The following MGMT variants were observed in gnomAD, a reference collection of about 807,000 sequenced individuals.
MGMT encodes methylated-DNA--protein-cysteine methyltransferase.
Under a neutral mutation model 15.9 loss-of-function variants are expected in MGMT, and 14 were observed. The ratio of observed to expected loss-of-function variants is 0.88; its 90% CI spans 0.58 to 1.37. MGMT has a LOEUF of 1.37. Ranked by LOEUF, MGMT falls within the 40% of genes most tolerant of loss-of-function variation. The pLI is 0.00. For synonymous variants in MGMT, 130 were observed against 118.2 expected (o/e 1.10, Z -0.65); for missense variants, 282 against 268.1 (o/e 1.05, Z -0.36).
At chr10:129,631,634 G>A (rs1847210764) in intron 2 of MGMT, among the ~76,000 whole-genome samples, 1 of 152,072 alleles carries the variant, frequency 6.6e-6, no homozygotes, top group African/African-American at 2.4e-5. Context: ...ACCAGCCTGG[G>A]CAACAAGGCA....
chr10:129,545,230 A>G lies in MGMT; in HGVS notation c.125+8853A>G, dbSNP rs564980010. 5.9e-5 allele frequency among the ~76,000 whole-genome samples: 9 copies of G among 152,240 alleles called. No individual in the cohort carries two copies. The South Asian group carries it at 1.7e-3, about 28-fold the overall frequency. On this transcript the variant is annotated intron_variant, in intron 2 of 4. Coordinates refer to ENST00000651593, the MANE Select transcript of MGMT (RefSeq NM_002412.5). ...AGTAGAGACTGCCACTCTGGGAGTG[A>G]CTTCTGTTCTCCTGTGAAATCCTCT...
At chr10:129,543,765 G>A (rs1057111275) in intron 2 of MGMT, among the ~76,000 whole-genome samples, 27 of 152,110 alleles carry the variant, frequency 1.8e-4, no homozygotes, top group Admixed American at 1.2e-3. Context: ...GATGGCAAAC[G>A]TGTGTGCCTG....
intron 2 of MGMT, among the ~76,000 whole-genome samples, chr10:129,646,486 G>A (rs1038014665): frequency 3.3e-5 from 5 of 151,712 alleles, no homozygotes; most frequent in East Asian, 3.9e-4. Flanking sequence ...CTAAAGTCTC[G>A]ACATGATTAT....
At chr10:129,600,665 G>T (rs551756516) in intron 2 of MGMT, among the ~76,000 whole-genome samples, 1 of 152,124 alleles carries the variant, frequency 6.6e-6, no homozygotes, top group Non-Finnish European at 1.5e-5. Context: ...GTAAACATCC[G>T]TATTGCCTCT....
At chr10:129,764,787 T>C (rs1296637884) in intron 4 of MGMT, among the ~76,000 whole-genome samples, 2 of 152,120 alleles carry the variant, frequency 1.3e-5, no homozygotes, top group Non-Finnish European at 2.9e-5. Flanking sequence ...GAAACAGCTG[T>C]TTGTTCTCAT....
intron 1 of MGMT, among the ~76,000 whole-genome samples, chr10:129,531,471 C>T (rs564275352): frequency 7.2e-4 from 109 of 152,148 alleles, no homozygotes; most frequent in African/African-American, 2.6e-3. Flanking sequence ...GTCCGTGATG[C>T]CCTCATTTAG....
At chr10:129,682,696 A>G (rs1391754572) in intron 2 of MGMT, among the ~76,000 whole-genome samples, 1 of 152,230 alleles carries the variant, frequency 6.6e-6, no homozygotes, top group Non-Finnish European at 1.5e-5. Context: ...AGTTAGATGT[A>G]TTGTATCAAT....
At chr10:129,471,934 C>G (rs74162158) in intron 1 of MGMT, among the ~76,000 whole-genome samples, 12,344 of 152,256 alleles carry the variant, frequency 0.081, 672 homozygotes, top group East Asian at 0.29. Context: ...CTTCAAATTG[C>G]AAACCCAACA....
intron 2 of MGMT, among the ~76,000 whole-genome samples, chr10:129,609,588 A>G (rs1044694522): frequency 2.0e-5 from 3 of 152,218 alleles, no homozygotes; most frequent in African/African-American, 4.8e-5. Flanking sequence ...ACTTCTTTGC[A>G]AACTCTGGTG....
chr10:129,752,724 A>T (rs186703308), intron 3 of MGMT, among the ~76,000 whole-genome samples: 1 of 152,136 alleles, frequency 6.6e-6, no homozygotes, highest in Non-Finnish European at 1.5e-5. Context: ...TTATGACTAT[A>T]TAGATCCTTT....
chr10:129,675,142 A>G (rs1047666459), intron 2 of MGMT, among the ~76,000 whole-genome samples: 1 of 152,224 alleles, frequency 6.6e-6, no homozygotes, highest in Non-Finnish European at 1.5e-5. Flanking sequence ...GCAAAGCAGC[A>G]GGACAGAGGA....
intron 3 of MGMT, among the ~76,000 whole-genome samples, chr10:129,742,231 G>C (rs1418045538): frequency 6.6e-6 from 1 of 152,190 alleles, no homozygotes; most frequent in Non-Finnish European, 1.5e-5. Flanking sequence ...TGTGTGGGAG[G>C]AGCCAGAAAC....
chr10:129,562,402 G>A (rs934643582), intron 2 of MGMT, among the ~76,000 whole-genome samples: 1 of 152,220 alleles, frequency 6.6e-6, no homozygotes. Flanking sequence ...CCCTGGCCTC[G>A]TGGTACAAAA....
chr10:129,527,469 C>T (rs12269104), intron 1 of MGMT, among the ~76,000 whole-genome samples: 37,823 of 152,072 alleles, frequency 0.25, 5,657 homozygotes, highest in African/African-American at 0.42. Flanking sequence ...CGTGTGTTCC[C>T]TGAGGTTCCA....
intron 2 of MGMT, among the ~76,000 whole-genome samples, chr10:129,551,934 G>A (rs1424197630): frequency 6.6e-6 from 1 of 152,208 alleles, no homozygotes; most frequent in Non-Finnish European, 1.5e-5. Flanking sequence ...CAGGGTGTGG[G>A]CAGGCTCCTT....
At chr10:129,602,324 G>A (rs1017347936) in intron 2 of MGMT, among the ~76,000 whole-genome samples, 4 of 152,048 alleles carry the variant, frequency 2.6e-5, no homozygotes, top group African/African-American at 2.4e-5. Flanking sequence ...ATCTCCAAGC[G>A]AGGTTGGCAT....
intron 1 of MGMT, among the ~76,000 whole-genome samples, chr10:129,488,908 T>G (rs372979215): frequency 3.5e-4 from 53 of 152,312 alleles, no homozygotes; most frequent in African/African-American, 1.2e-3. Flanking sequence ...TGCAGAGCCC[T>G]AGAGAAATGA....
chr10:129,671,045 C>T (rs1215211396), intron 2 of MGMT, among the ~76,000 whole-genome samples: 2 of 152,170 alleles, frequency 1.3e-5, no homozygotes, highest in Admixed American at 6.5e-5. Flanking sequence ...AATACCTTTT[C>T]AGCAGCAGCA....
At chr10:129,645,353 C>A (rs1299804745) in intron 2 of MGMT, among the ~76,000 whole-genome samples, 1 of 152,060 alleles carries the variant, frequency 6.6e-6, no homozygotes, top group African/African-American at 2.4e-5. Context: ...AACTCCTGAC[C>A]TCAGGTGATC....
Sources: gnomAD v4.1 joint callset for allele counts (sites outside exome capture counted in the v4.1 genomes callset) on GRCh38, gnomAD v4.1.1 for gene constraint, MANE v1.5 for transcripts, NCBI Gene and HGNC (gene_info 2026-07-23, HGNC 2026-07-21) for gene names.